The following CTSB variants were observed in gnomAD, a reference collection of about 807,000 sequenced individuals.
The protein encoded by CTSB is APP secretase.
Under a neutral mutation model 44.3 loss-of-function variants are expected in CTSB, and 57 were observed. That is an observed-to-expected ratio of 1.29 (90% CI 1.04 to 1.60). The LOEUF is 1.60. Among genes scored for constraint, CTSB ranks in the 40% most tolerant of loss-of-function variants. CTSB has a pLI of 0.00. For missense variants in CTSB, 768 were observed against 443.0 expected (o/e 1.73, Z -6.59); for synonymous variants, 320 against 168.0 (o/e 1.91, Z -7.00).
chr8:11,866,513 C>T (rs1817174515), intron 1 of CTSB, among the ~76,000 whole-genome samples: 1 of 152,254 alleles, frequency 6.6e-6, no homozygotes, highest in Non-Finnish European at 1.5e-5. Context: ...GGGAAAGCTA[C>T]ACAGGGTGGG....
At position 11,862,638 on chromosome 8, in the gene CTSB, G is replaced by A. The variant is rs1330833061; in HGVS notation, c.-26+5363C>T. 3.9e-5 allele frequency among the ~76,000 whole-genome samples: 6 copies of A among 152,378 alleles called. No individual in the cohort carries two copies. The East Asian group carries it at 1.2e-3, about 29-fold the overall frequency. ...GGCAGGTGGCCCCCAGCACTCTGAT[G>A]TGGTTTGATGATACGCTTCCAACCC... On this transcript the variant is annotated intron_variant, in intron 1 of 9. Coordinates refer to ENST00000353047, the MANE Select transcript of CTSB (RefSeq NM_001908.5).
At chr8:11,847,311 A>G (rs1813581237) in intron 7 of CTSB, 143 bp from the exon 8 acceptor site, 2 of 664,016 alleles carry the variant, frequency 3.0e-6, no homozygotes, top group Admixed American at 4.8e-5. Flanking sequence ...GAGCTCAAGG[A>G]AGGCTCCCCT....
chr8:11,850,190 G>T (rs1394559238), intron 4 of CTSB: 1 of 152,212 alleles, frequency 6.6e-6, no homozygotes, highest in African/African-American at 2.4e-5. Flanking sequence ...CGAGGCCGAG[G>T]AAGGCAGATC....
At position 11,847,188 on chromosome 8, in the gene CTSB, C is replaced by G. The variant is rs775197664; in HGVS notation, c.677-20G>C. The G allele has an allele frequency of 4.5e-6, 7 of 1,544,354 alleles. No homozygotes were observed. Among genetic ancestry groups the G allele is most frequent in the Non-Finnish European group, 6.3e-6 (7 of 1,117,610 alleles). On this transcript the variant is annotated intron_variant, in intron 7 of 9. Transcript: ENST00000353047. ...TGTATCCTGGAAAATGAACCGAGCT[C>G]GGGGTTGGGGAGGGCAGTGACCGTG...
intron 1 of CTSB, chr8:11,864,249 C>T (rs1816798245): frequency 7.6e-6 from 1 of 131,506 alleles, no homozygotes; most frequent in South Asian, 2.4e-4. Flanking sequence ...TGGGAGGAGG[C>T]AAGGGGATCA....
chr8:11,850,913 G>C lies in CTSB; in HGVS notation c.280C>G (p.Pro94Ala), dbSNP rs373164773. Reference protein sequence around the residue: ...FDAREQWPQCPTIKEIRDQGS... With the variant: ...FDAREQWPQCATIKEIRDQGS... ...TGGTCTCTGATCTCTTTGATGGTGGGACACTGTGGCCATTGTTCCCGTGCA... is the reference window on the plus strand; with the variant it reads ...TGGTCTCTGATCTCTTTGATGGTGGCACACTGTGGCCATTGTTCCCGTGCA... The change falls in exon 4 of 10, where the codon CCC (proline) becomes GCC (alanine). Residue 94 changes from proline to alanine, a missense_variant. Physicochemically the swap from Pro to Ala is conservative, Grantham distance 27. Coordinates refer to ENST00000353047, the MANE Select transcript of CTSB (RefSeq NM_001908.5). 1.2e-6 allele frequency: 2 copies of C among 1,613,504 alleles called. No homozygotes were observed. The highest frequency in any genetic ancestry group is 1.3e-5 in the African/African-American group (1 of 74,894).
intron 1 of CTSB, among the ~76,000 whole-genome samples, chr8:11,859,287 T>TC (rs1274241385): frequency 6.6e-6 from 1 of 151,848 alleles, no homozygotes; most frequent in African/African-American, 2.4e-5. Context: ...AGCACCTTCC[T>TC]CCCCCGGCAA....
At chr8:11,857,467 C>T (rs563907601) in intron 1 of CTSB, among the ~76,000 whole-genome samples, 6 of 152,252 alleles carry the variant, frequency 3.9e-5, no homozygotes, top group Admixed American at 2.6e-4. Context: ...TGGATGTACC[C>T]GGGGGCTTTG....
chr8:11,846,760 C>T (rs1045222394), intron 8 of CTSB, among the ~76,000 whole-genome samples: 1 of 152,160 alleles, frequency 6.6e-6, no homozygotes. Flanking sequence ...GGGGGGCGTT[C>T]CCACAGAGAA....
At chr8:11,860,190 T>G (rs1316546590) in intron 1 of CTSB, among the ~76,000 whole-genome samples, 1 of 152,220 alleles carries the variant, frequency 6.6e-6, no homozygotes, top group Non-Finnish European at 1.5e-5. Flanking sequence ...AATTTCCAAA[T>G]AAGCCAAGTT....
At chr8:11,848,631 G>T (rs1009127411) in intron 5 of CTSB, 2 of 304,048 alleles carry the variant, frequency 6.6e-6, no homozygotes, top group East Asian at 7.9e-5. Flanking sequence ...CGGAACCAAG[G>T]CGAGGCTGCA....
rs1812895847 is a variant in CTSB at position 11,844,665 on chromosome 8, A to G, written c.*460T>C. Reference sequence around the variant, plus strand: ...TCGATAGATGCAGGGGGCCTGGGAGACTGGCGTTCTCCAAAGGGCTCCCAA... The same window carrying G: ...TCGATAGATGCAGGGGGCCTGGGAGGCTGGCGTTCTCCAAAGGGCTCCCAA... On this transcript the variant is annotated 3_prime_UTR_variant, in exon 10 of 10. Transcript: ENST00000353047. The G allele has an allele frequency of 6.3e-6, 1 of 159,802 alleles. No homozygotes were observed. The highest frequency in any genetic ancestry group is 1.4e-5 in the Non-Finnish European group (1 of 72,416). The allele number at this position is 159,802 out of a possible 1,614,324, so 9.9% of individuals were successfully genotyped here. A position where few individuals can be genotyped will look rare whatever the true frequency, so the allele number is the denominator to read the frequency against.
chr8:11,861,716 C>A (rs544704493), intron 1 of CTSB, among the ~76,000 whole-genome samples: 1 of 152,342 alleles, frequency 6.6e-6, no homozygotes, highest in Admixed American at 6.5e-5. Context: ...GCATTCACCA[C>A]GTCTGCATCG....
intron 7 of CTSB, among the ~76,000 whole-genome samples, chr8:11,847,396 G>C (rs148348117): frequency 2.0e-5 from 3 of 152,316 alleles, no homozygotes; most frequent in East Asian, 3.9e-4. Context: ...GGCCCCGGAA[G>C]AGGCCAGGAT....
At chr8:11,866,235 G>A (rs1287081534) in intron 1 of CTSB, among the ~76,000 whole-genome samples, 2 of 152,248 alleles carry the variant, frequency 1.3e-5, no homozygotes, top group East Asian at 1.9e-4. Flanking sequence ...TACAAAAAGA[G>A]CCTCCCCAGT....
intron 1 of CTSB, among the ~76,000 whole-genome samples, chr8:11,862,003 C>A (rs973700662): frequency 2.6e-5 from 4 of 152,002 alleles, no homozygotes; most frequent in Non-Finnish European, 5.9e-5. Context: ...GTCAGGAGAT[C>A]GAGACCATCC....
intron 2 of CTSB, 99 bp downstream of exon 2, chr8:11,853,230 T>A: frequency 6.6e-7 from 1 of 1,512,732 alleles, no homozygotes; most frequent in Non-Finnish European, 9.0e-7. Flanking sequence ...AGGACAATGT[T>A]CTGTGGGCCA....
At chr8:11,852,228 G>A (rs939673101) in intron 3 of CTSB, among the ~76,000 whole-genome samples, 5 of 152,098 alleles carry the variant, frequency 3.3e-5, no homozygotes, top group Non-Finnish European at 4.4e-5. Flanking sequence ...AATATTAGCC[G>A]TGCACGGTGG....
intron 1 of CTSB, 176 bp from the exon 2 acceptor site, chr8:11,853,655 C>A: frequency 1.7e-6 from 1 of 592,998 alleles, no homozygotes; most frequent in Admixed American, 3.2e-5. Context: ...CCGAAGCACG[C>A]CATGACCTCG....
Sources: gnomAD v4.1 joint callset for allele counts (sites outside exome capture counted in the v4.1 genomes callset) on GRCh38, gnomAD v4.1.1 for gene constraint, MANE v1.5 for transcripts, NCBI Gene and HGNC (gene_info 2026-07-23, HGNC 2026-07-21) for gene names.